Variants in SEMA3F observed in about 807,000 individuals in gnomAD.
The protein encoded by SEMA3F is semaphorin-3F.
Under a neutral mutation model 98.5 loss-of-function variants are expected in SEMA3F, and 30 were observed. The ratio of observed to expected loss-of-function variants is 0.30; its 90% CI spans 0.23 to 0.41. The LOEUF (loss-of-function observed/expected upper bound fraction) is 0.41, where lower values mean the gene tolerates loss of function less well. Ranked by LOEUF, SEMA3F falls within the 10% of genes least tolerant of loss-of-function variation. The probability of loss-of-function intolerance (pLI) is 1.00; values close to 1 mark genes in which losing one functional copy is unlikely to be tolerated. For synonymous variants in SEMA3F, 380 were observed against 444.8 expected, an observed-to-expected ratio of 0.85 and a Z score of 1.83; for missense variants, 866 against 1,119.3, an observed-to-expected ratio of 0.77 and a Z score of 3.23.
At chr3:50,157,407 C>T (rs1342127993) in intron 1 of SEMA3F, among the ~76,000 whole-genome samples, 3 of 152,088 alleles carry the variant, frequency 2.0e-5, no homozygotes, top group African/African-American at 7.2e-5. Context: ...GCCTTCCTTC[C>T]CTCCTTCTCT....
rs750031586 is a variant in SEMA3F, at chr3:50,184,576, C to T, written c.1234-16C>T. On this transcript the variant is annotated splice_polypyrimidine_tract_variant and intron_variant, in intron 12 of 18. Coordinates refer to ENST00000002829, the MANE Select transcript of SEMA3F (RefSeq NM_004186.5). ...GCCCAGGCAGCCTGGGACTGACACT[C>T]GCCACCTGTCCACAGTGCCCTGGTG... 3.7e-6 allele frequency: 6 copies of T among 1,602,532 alleles called. No individual in the cohort carries two copies. Among genetic ancestry groups the T allele is most frequent in the South Asian group, 1.1e-5 (1 of 90,768 alleles).
intron 13 of SEMA3F, 147 bp downstream of exon 13, chr3:50,184,961 A>G (rs773860586): frequency 5.3e-5 from 34 of 644,302 alleles, no homozygotes; most frequent in Non-Finnish European, 7.5e-5. Flanking sequence ...CCTTCTCCCT[A>G]TTGATGGGAT....
intron 5 of SEMA3F, 148 bp from the exon 6 acceptor site, chr3:50,174,948 A>AT (rs34118560): frequency 0.046 from 29,587 of 645,172 alleles, 901 homozygotes; most frequent in Non-Finnish European, 0.057. Context: ...GCCTGTGTGT[A>AT]TGTATGTACA....
intron 7 of SEMA3F, among the ~76,000 whole-genome samples, chr3:50,179,657 G>C (rs1283713511): frequency 6.6e-6 from 1 of 152,208 alleles, no homozygotes; most frequent in Admixed American, 6.5e-5. Context: ...TGAAAATCGT[G>C]TTTAGTGTAG....
chr3:50,168,049 T>G (rs1473866033), intron 2 of SEMA3F, among the ~76,000 whole-genome samples: 1 of 152,184 alleles, frequency 6.6e-6, no homozygotes, highest in Non-Finnish European at 1.5e-5. Context: ...CCATAATTAG[T>G]TGCTAATTGG....
chr3:50,174,377 G>T, intron 5 of SEMA3F, 27 bp downstream of exon 5: 1 of 1,593,878 alleles, frequency 6.3e-7, no homozygotes, highest in East Asian at 2.2e-5. Flanking sequence ...CTGGCCCTGT[G>T]CTGCCCCCGC....
At position 50,182,961 on chromosome 3, in the gene SEMA3F, C is replaced by T. The variant is rs370355902; in HGVS notation, c.961C>T (p.Arg321Trp). 9 of 1,613,984 alleles carry T rather than the reference C, an allele frequency of 5.6e-6. No homozygotes were observed. The highest frequency in any genetic ancestry group is 7.6e-6 in the Non-Finnish European group (9 of 1,180,026). The change falls in exon 10 of 19, where the codon CGG (arginine) becomes TGG (tryptophan). Residue 321 changes from arginine to tryptophan, a missense_variant. By Grantham distance (101) the Arg-to-Trp change is moderately radical (BLOSUM62 -3). Around this residue, in one of 3 missense-constraint regions of SEMA3F, gnomAD observed 374 missense variants for 582.8 expected, o/e 0.64. Coordinates refer to ENST00000002829, the MANE Select transcript of SEMA3F (RefSeq NM_004186.5). This position sits in a 1 kb window ranked among gnomAD's most constrained non-coding sequence, Gnocchi z 4.5. Reference sequence around the variant, plus strand: ...CAAGTGGAGCACATTCCTGAAGGCGCGGCTCGTCTGCTCTGTCCCGGGCGA... The same window carrying T: ...CAAGTGGAGCACATTCCTGAAGGCGTGGCTCGTCTGCTCTGTCCCGGGCGA... ...VNKWSTFLKA[R>W]LVCSVPGEDG...
At chr3:50,185,856 C>T (rs1257307213) in intron 15 of SEMA3F, 33 bp from the exon 16 acceptor site, 2 of 1,606,694 alleles carry the variant, frequency 1.2e-6, no homozygotes, top group Non-Finnish European at 1.7e-6. Flanking sequence ...GGCTATGGGA[C>T]AGGAACTGAC....
chr3:50,170,813 T>G (rs1475778213), intron 2 of SEMA3F, among the ~76,000 whole-genome samples: 1 of 151,630 alleles, frequency 6.6e-6, no homozygotes, highest in Non-Finnish European at 1.5e-5. Flanking sequence ...CCACACTGTT[T>G]CCACAGTGAC....
rs748311285 is a variant in SEMA3F at position 50,174,234 on chromosome 3, G to A, written c.340G>A (p.Glu114Lys). 2.5e-6 allele frequency: 4 copies of A among 1,613,732 alleles called. No homozygotes were observed. The highest frequency in any genetic ancestry group is 3.4e-6 in the Non-Finnish European group (4 of 1,179,952). Residue 114 changes from glutamate (E) to lysine (K), a missense_variant, in exon 5 of 19, where the codon GAG becomes AAG. By Grantham distance (56) the Glu-to-Lys change is moderately conservative. This residue lies in a region of SEMA3F where 247 missense variants were observed against 276.0 expected (regional missense o/e 0.89). Transcript: ENST00000002829. ...CVLSGKDVNG[E>K]CGNFVRLIQP... ...GCAGCCTTCCCTGTGGCCCCAGGGCGAGTGTGGGAACTTCGTCAGGCTCAT... is the reference window on the plus strand; with the variant it reads ...GCAGCCTTCCCTGTGGCCCCAGGGCAAGTGTGGGAACTTCGTCAGGCTCAT...
chr3:50,183,358 G>A, intron 11 of SEMA3F, 62 bp from the exon 12 acceptor site: 1 of 1,606,482 alleles, frequency 6.2e-7, no homozygotes. Context: ...GGAGGGGGCA[G>A]TTTGGGGAGG....
At chr3:50,165,356 A>G (rs59112948) in intron 2 of SEMA3F, among the ~76,000 whole-genome samples, 4,979 of 152,310 alleles carry the variant, frequency 0.033, 268 homozygotes, top group African/African-American at 0.11. Flanking sequence ...GAGGTACTAA[A>G]TATGTATTAT....
At position 50,166,477 on chromosome 3, in the gene SEMA3F, G is replaced by A. The variant is rs1015375014; in HGVS notation, c.112+6743G>A. Among the ~76,000 whole-genome samples, 1 of 152,230 alleles carries A rather than the reference G, an allele frequency of 6.6e-6. No individual in the cohort carries two copies. The highest frequency in any genetic ancestry group is 2.4e-5 in the African/African-American group (1 of 41,458). Reference sequence around the variant, plus strand: ...TGGCTGGGCCTGGGGCCTGTGCGGAGTGCTCACTGCCTGCCCTTGACTGGC... The same window carrying A: ...TGGCTGGGCCTGGGGCCTGTGCGGAATGCTCACTGCCTGCCCTTGACTGGC... On this transcript the variant is annotated intron_variant, in intron 2 of 18. Transcript: ENST00000002829. The surrounding 1 kb of genome is among the most constrained non-coding windows in gnomAD (Gnocchi z 4.7).
Position 50,182,357 on chromosome 3 carries a change from G to A in SEMA3F, c.717G>A (p.Lys239=), listed in dbSNP as rs754585944. The A allele has an allele frequency of 1.0e-4, 161 of 1,614,090 alleles. 2 individuals are homozygous for A. The Middle Eastern group carries it at 2.0e-3, about 20-fold the overall frequency. ...CAGCCATCTTCCGCACACTTGGAAAGCAGACAGCCATGCGCACGGATCAGT... is the reference window on the plus strand; with the variant it reads ...CAGCCATCTTCCGCACACTTGGAAAACAGACAGCCATGCGCACGGATCAGT... ...TDAAIFRTLG[K]QTAMRTDQYN... Residue 239 remains lysine, a synonymous_variant, in exon 8 of 19, where the codon AAG becomes AAA. Coordinates refer to ENST00000002829, the MANE Select transcript of SEMA3F (RefSeq NM_004186.5). The surrounding 1 kb of genome is among the most constrained non-coding windows in gnomAD (Gnocchi z 4.5).
rs543455672 is a variant in SEMA3F, at chr3:50,160,491, AC to A, written c.112+758del. On this transcript the variant is annotated intron_variant, in intron 2 of 18. Transcript: ENST00000002829. ...ACGCACACGGTACACACATGGGTGT[AC>A]AAATGGCTCACTCGAGAGCCACTTC... is the stretch of plus-strand genomic sequence containing the variant. Among the ~76,000 whole-genome samples, 358 of 152,326 alleles carry A rather than the reference AC, an allele frequency of 2.4e-3. 3 individuals carry two copies. The highest frequency in any genetic ancestry group is 0.01 in the Middle Eastern group (3 of 294).
chr3:50,167,804 A>T (rs1254861340), intron 2 of SEMA3F, among the ~76,000 whole-genome samples: 3 of 152,172 alleles, frequency 2.0e-5, no homozygotes, highest in African/African-American at 7.2e-5. Context: ...GACCATAACC[A>T]TCTCCACCTT....
At position 50,183,173 on chromosome 3, in the gene SEMA3F, C is replaced by T; in HGVS notation, c.1019-13C>T. 1 of 1,613,774 alleles carries T rather than the reference C, an allele frequency of 6.2e-7. No individual in the cohort carries two copies. The highest frequency in any genetic ancestry group is 1.7e-5 in the Admixed American group (1 of 60,028). Reference sequence around the variant, plus strand: ...CCATGGCACCCTCCAACACCTTCTCCCTCTGTCCCCAGAGGACGTGTTTGT... The same window carrying T: ...CCATGGCACCCTCCAACACCTTCTCTCTCTGTCCCCAGAGGACGTGTTTGT... On this transcript the variant is annotated splice_polypyrimidine_tract_variant and intron_variant, in intron 10 of 18. Transcript: ENST00000002829.
chr3:50,186,537 T>G, intron 17 of SEMA3F, 76 bp from the exon 18 acceptor site: 2 of 1,538,688 alleles, frequency 1.3e-6, no homozygotes, highest in Non-Finnish European at 1.8e-6. Flanking sequence ...TGGGTGCCCC[T>G]CGGTGCCTGC....
In SEMA3F at chr3:50,156,534, T is replaced by C. The variant is rs1335202425; in HGVS notation, c.-49+970T>C. ...TGTCCTCCTGAATTCACCCAGATAGTCTCCCAGTAGTTATCCTAGTTGCAG... is the reference window on the plus strand; with the variant it reads ...TGTCCTCCTGAATTCACCCAGATAGCCTCCCAGTAGTTATCCTAGTTGCAG... On this transcript the variant is annotated intron_variant, in intron 1 of 18. Coordinates refer to ENST00000002829, the MANE Select transcript of SEMA3F (RefSeq NM_004186.5). The surrounding 1 kb of genome is among the most constrained non-coding windows in gnomAD (Gnocchi z 4.5). Among the ~76,000 whole-genome samples the C allele has an allele frequency of 6.6e-6, 1 of 152,144 alleles. No individual in the cohort carries two copies. Among genetic ancestry groups the C allele is most frequent in the African/African-American group, 2.4e-5 (1 of 41,422 alleles).
Sources: allele counts gnomAD v4.1 joint callset (sites outside exome capture counted in the v4.1 genomes callset), GRCh38; gene constraint gnomAD v4.1.1; regional missense constraint gnomAD v4.1.1; non-coding constraint Gnocchi (gnomAD v3.1); transcripts MANE v1.5; gene names NCBI Gene and HGNC (gene_info 2026-07-23, HGNC 2026-07-21).